Variants in ZRANB3 observed in about 807,000 individuals in gnomAD.
ZRANB3 encodes the protein zinc finger RANBP2-type containing 3, also known as DNA annealing helicase and endonuclease ZRANB3.
ZRANB3 carries 125 observed loss-of-function variants against 133.8 expected under a neutral mutation model. That is an observed-to-expected ratio of 0.93 (90% confidence interval 0.81 to 1.08). The LOEUF (loss-of-function observed/expected upper bound fraction) is 1.08. Ranked by LOEUF, ZRANB3 falls within the 50% of genes least tolerant of loss-of-function variation. The probability of loss-of-function intolerance (pLI) is 0.00; values close to 1 mark genes in which losing one functional copy is unlikely to be tolerated. For synonymous variants in ZRANB3, 387 were observed against 432.7 expected (o/e 0.89, Z 1.31); for missense variants, 1,229 against 1,275.5 (o/e 0.96, Z 0.56).
At chr2:135,223,196 A>AG (rs1694622319) in intron 15 of ZRANB3, among the ~76,000 whole-genome samples, 2 of 151,126 alleles carry the variant, frequency 1.3e-5, no homozygotes, top group Admixed American at 1.3e-4. Flanking sequence ...GGTTGCAGTG[A>AG]GCCGAGATTG....
intron 1 of ZRANB3, among the ~76,000 whole-genome samples, chr2:135,518,358 T>G (rs1693785572): frequency 2.0e-5 from 3 of 152,164 alleles, no homozygotes; most frequent in Non-Finnish European, 4.4e-5. Flanking sequence ...TGTCTGGTTT[T>G]GTGCTTGAAA....
At chr2:135,418,364 T>C (rs1180009534) in intron 2 of ZRANB3, among the ~76,000 whole-genome samples, 1 of 152,218 alleles carries the variant, frequency 6.6e-6, no homozygotes, top group African/African-American at 2.4e-5. Context: ...AAGGGATGAC[T>C]ATACTATTGT....
At position 135,202,560 on chromosome 2, in the gene ZRANB3, C is replaced by T. The variant is rs1693667682; in HGVS notation, c.3141+272G>A. 6 of 255,466 alleles carry T rather than the reference C, an allele frequency of 2.3e-5. 1 individual carries two copies. In the South Asian group the frequency reaches 5.0e-4, roughly 21 times the overall value. 15.8% of individuals were successfully genotyped at this position (255,466 alleles called of 1,614,324 possible). A position where few individuals can be genotyped will look rare whatever the true frequency, so the allele number is the denominator to read the frequency against. ...ACTTCCAGTTTGAGGATCCGGGTCT[C>T]ATCAAGACAATATGTAAACTGTATT... On this transcript the variant is annotated intron_variant, in intron 20 of 20. Coordinates refer to ENST00000264159, the MANE Select transcript of ZRANB3 (RefSeq NM_032143.4).
chr2:135,368,894 A>G (rs1686052342), intron 3 of ZRANB3, among the ~76,000 whole-genome samples: 1 of 152,118 alleles, frequency 6.6e-6, no homozygotes, highest in Admixed American at 6.5e-5. Context: ...AGAAAATTTC[A>G]GCAGACAGCA....
intron 2 of ZRANB3, among the ~76,000 whole-genome samples, chr2:135,397,231 G>T (rs143137451): frequency 6.6e-6 from 1 of 151,872 alleles, no homozygotes; most frequent in Non-Finnish European, 1.5e-5. Context: ...TCACTTTAGC[G>T]TACCAATCTG....
intron 3 of ZRANB3, among the ~76,000 whole-genome samples, chr2:135,378,502 AC>A (rs908073869): frequency 3.3e-5 from 5 of 150,486 alleles, no homozygotes; most frequent in Non-Finnish European, 5.9e-5. Flanking sequence ...AAAAAAAAAA[AC>A]AAAACAAAAA....
In ZRANB3 at chr2:135,237,495, T is replaced by C. The variant is rs570115516; in HGVS notation, c.1540-6568A>G. 2.1e-4 allele frequency among the ~76,000 whole-genome samples: 32 copies of C among 151,714 alleles called. No individual in the cohort carries two copies. The East Asian group carries it at 3.9e-3, about 18-fold the overall frequency. On this transcript the variant is annotated intron_variant, in intron 12 of 20. Coordinates refer to ENST00000264159, the MANE Select transcript of ZRANB3 (RefSeq NM_032143.4). ...TGCTATAAAGACACATGCACACGTATGTTTATTGCGGCATTATTCACAATA... is the reference window on the plus strand; with the variant it reads ...TGCTATAAAGACACATGCACACGTACGTTTATTGCGGCATTATTCACAATA...
At chr2:135,510,754 C>T (rs540422066) in intron 1 of ZRANB3, 1 of 803,458 alleles carries the variant, frequency 1.2e-6, no homozygotes, top group Non-Finnish European at 2.3e-6. Flanking sequence ...CATGATGGGC[C>T]TGTTGCGAAG....
chr2:135,196,998 C>T lies in ZRANB3; in HGVS notation c.*3344G>A, dbSNP rs377002530. ...TGGAACACAGAATGTATTTTAATAA[C>T]AGTGACATTTCTCAATGGTAATTAT... On this transcript the variant is annotated 3_prime_UTR_variant, in exon 21 of 21. Coordinates refer to ENST00000264159, the MANE Select transcript of ZRANB3 (RefSeq NM_032143.4). 12 of 152,156 alleles carry T rather than the reference C, an allele frequency of 7.9e-5. 1 individual carries two copies. Among genetic ancestry groups the T allele is most frequent in the East Asian group, 7.7e-4 (4 of 5,196 alleles). The allele number at this position is 152,156 out of a possible 1,614,324, so 9.4% of individuals were successfully genotyped here.
At chr2:135,367,117 C>T (rs567048713) in intron 3 of ZRANB3, among the ~76,000 whole-genome samples, 43 of 152,246 alleles carry the variant, frequency 2.8e-4, no homozygotes, top group African/African-American at 1.0e-3. Context: ...TAAAAATGGC[C>T]GTGCAAATAT....
chr2:135,529,243 C>T (rs1458246759), intron 1 of ZRANB3, among the ~76,000 whole-genome samples: 1 of 152,136 alleles, frequency 6.6e-6, no homozygotes, highest in African/African-American at 2.4e-5. Context: ...GAATAAAGGG[C>T]ACACGCATAG....
chr2:135,236,634 G>A (rs1406255884), intron 12 of ZRANB3, among the ~76,000 whole-genome samples: 5 of 152,016 alleles, frequency 3.3e-5, no homozygotes, highest in Admixed American at 1.3e-4. Flanking sequence ...AAATAATGCC[G>A]CATATCTACA....
chr2:135,245,926 C>CAAAAAAAAAAAAAAAAAA lies in ZRANB3; in HGVS notation c.1540-15017_1540-15000dup, dbSNP rs1177438717. Among the ~76,000 whole-genome samples the CAAAAAAAAAAAAAAAAAA allele has an allele frequency of 4.6e-4, 9 of 19,546 alleles. 1 individual carries two copies. The highest frequency in any genetic ancestry group is 0.015 in the East Asian group (2 of 132). The allele number at this position is 19,546 out of a possible 152,430, so 12.8% of individuals were successfully genotyped here. On this transcript the variant is annotated intron_variant, in intron 12 of 20. Coordinates refer to ENST00000264159, the MANE Select transcript of ZRANB3 (RefSeq NM_032143.4). ...GGGCAACGAGATTGAAACTCCGTCTCAAAAAAAAAAAAAAAAAAAAAAGAG... is the reference window on the plus strand; with the variant it reads ...GGGCAACGAGATTGAAACTCCGTCTCAAAAAAAAAAAAAAAAAAAAAAAAAAAAAAAAAAAAAAAAGAG...
intron 1 of ZRANB3, among the ~76,000 whole-genome samples, chr2:135,515,268 G>C (rs1234827277): frequency 6.6e-6 from 1 of 151,962 alleles, no homozygotes; most frequent in Non-Finnish European, 1.5e-5. Flanking sequence ...GTCTGGTCCT[G>C]GGCTGTTTTG....
At chr2:135,486,253 T>A (rs1692115035) in intron 2 of ZRANB3, among the ~76,000 whole-genome samples, 1 of 152,176 alleles carries the variant, frequency 6.6e-6, no homozygotes, top group African/African-American at 2.4e-5. Context: ...AAATCAATAC[T>A]CTCCAACCTG....
chr2:135,256,418 TC>T (rs1218819172), intron 12 of ZRANB3, among the ~76,000 whole-genome samples: 1 of 152,092 alleles, frequency 6.6e-6, no homozygotes, highest in African/African-American at 2.4e-5. Flanking sequence ...AACCTCTGCC[TC>T]CCGGGTATAG....
At chr2:135,334,655 G>T (rs1461158672) in intron 6 of ZRANB3, among the ~76,000 whole-genome samples, 4 of 152,118 alleles carry the variant, frequency 2.6e-5, no homozygotes, top group Non-Finnish European at 5.9e-5. Flanking sequence ...CAGCACTCTG[G>T]GAGGCCGAGG....
chr2:135,398,521 C>CT (rs374119156), intron 2 of ZRANB3, among the ~76,000 whole-genome samples: 1,712 of 123,874 alleles, frequency 0.014, 93 homozygotes, highest in African/African-American at 0.047. Context: ...TCTTTTGTCA[C>CT]TTTTTTTTTT....
intron 3 of ZRANB3, among the ~76,000 whole-genome samples, chr2:135,367,455 G>A (rs181785540): frequency 6.6e-6 from 1 of 152,252 alleles, no homozygotes; most frequent in East Asian, 1.9e-4. Flanking sequence ...TGGGATGCCT[G>A]CCTTAAGGAT....
Sources: allele counts gnomAD v4.1 joint callset (sites outside exome capture counted in the v4.1 genomes callset), GRCh38; gene constraint gnomAD v4.1.1; transcripts MANE v1.5; gene names NCBI Gene and HGNC (gene_info 2026-07-23, HGNC 2026-07-21).